Variants in CHD9 observed in about 807,000 individuals in gnomAD.
CHD9 encodes the protein chromodomain helicase DNA binding protein 9, also known as ATP-dependent chromatin remodeler CHD9.
A neutral mutation model predicts 316.1 loss-of-function variants in CHD9; 77 were observed. That is an observed-to-expected ratio of 0.24 (90% CI 0.20 to 0.29). The LOEUF (loss-of-function observed/expected upper bound fraction) is 0.29, where lower values mean the gene tolerates loss of function less well. Ranked by LOEUF, CHD9 falls within the 10% of genes least tolerant of loss-of-function variation. The pLI, the probability that CHD9 is intolerant of heterozygous loss-of-function variation, is 1.00. For synonymous variants in CHD9, 1,129 were observed against 1,158.3 expected (o/e 0.97, Z 0.51); for missense variants, 2,763 against 3,438.1 (o/e 0.80, Z 4.91).
At chr16:53,055,229 C>A (rs1354902415) in intron 1 of CHD9, among the ~76,000 whole-genome samples, 152 bp downstream of exon 1, 1 of 152,124 alleles carries the variant, frequency 6.6e-6, no homozygotes, top group Non-Finnish European at 1.5e-5. Context: ...ACCCAGAGAC[C>A]CGCAGCCTCG....
At chr16:53,141,808 G>C (rs1292654473) in intron 1 of CHD9, among the ~76,000 whole-genome samples, 2 of 152,160 alleles carry the variant, frequency 1.3e-5, no homozygotes, top group Non-Finnish European at 2.9e-5. Flanking sequence ...GTGTGTAAAG[G>C]CTTCCCAAAG....
chr16:53,293,440 C>A (rs188025174), intron 29 of CHD9, among the ~76,000 whole-genome samples: 1 of 151,674 alleles, frequency 6.6e-6, no homozygotes, highest in Non-Finnish European at 1.5e-5. Flanking sequence ...CAAAGCAAGA[C>A]CCTCATCTCT....
chr16:53,245,265 A>G lies in CHD9; in HGVS notation c.3055-71A>G. 8.3e-6 allele frequency: 10 copies of G among 1,197,852 alleles called. No individual in the cohort carries two copies. The highest frequency in any genetic ancestry group is 1.1e-5 in the Non-Finnish European group (10 of 888,964). The allele number at this position is 1,197,852 out of a possible 1,614,324, so 74.2% of individuals were successfully genotyped here. On this transcript the variant is annotated intron_variant, in intron 13 of 38. Coordinates refer to ENST00000447540, the MANE Select transcript of CHD9 (RefSeq NM_001308319.2). This position sits in a 1 kb window ranked among gnomAD's most constrained non-coding sequence, Gnocchi z 4.1. ...AAAATATTTGCATATTGATCATTCG[A>G]TAATCTAAGTCAGCTTTCATATAAT...
chr16:53,095,273 C>T (rs1177167471), intron 1 of CHD9, among the ~76,000 whole-genome samples: 2 of 152,274 alleles, frequency 1.3e-5, no homozygotes, highest in South Asian at 2.1e-4. Context: ...TGGCTAGGCG[C>T]AGTGGTTCAT....
chr16:53,122,864 G>A (rs1300939975), intron 1 of CHD9, among the ~76,000 whole-genome samples: 5 of 149,748 alleles, frequency 3.3e-5, no homozygotes, highest in South Asian at 2.2e-4. Context: ...CCGCTACCAC[G>A]CCCGGCTAAT....
intron 1 of CHD9, among the ~76,000 whole-genome samples, chr16:53,089,533 T>G (rs569274699): frequency 6.6e-6 from 1 of 152,334 alleles, no homozygotes; most frequent in South Asian, 2.1e-4. Context: ...CTTCCCATTT[T>G]TACAGATGAG....
At chr16:53,079,209 C>T (rs1377696505) in intron 1 of CHD9, among the ~76,000 whole-genome samples, 1 of 152,176 alleles carries the variant, frequency 6.6e-6, no homozygotes, top group Non-Finnish European at 1.5e-5. Context: ...GCAAAACTTC[C>T]ACCATTGGCT....
At chr16:53,202,637 A>G (rs1216548212) in intron 2 of CHD9, among the ~76,000 whole-genome samples, 4 of 152,196 alleles carry the variant, frequency 2.6e-5, no homozygotes, top group Non-Finnish European at 5.9e-5. Flanking sequence ...AGCTAGATGT[A>G]CATTTGTATT....
chr16:53,230,516 TCATCAC>T (rs1181536871), intron 8 of CHD9, among the ~76,000 whole-genome samples: 1 of 152,150 alleles, frequency 6.6e-6, no homozygotes, highest in Non-Finnish European at 1.5e-5. Flanking sequence ...GGAGGTCCTC[TCATCAC>T]CTTAAATATC....
chr16:53,267,632 T>C, intron 21 of CHD9, 142 bp downstream of exon 21: 1 of 656,152 alleles, frequency 1.5e-6, no homozygotes, highest in Non-Finnish European at 2.5e-6. Flanking sequence ...AGCATATATT[T>C]AAGAGCAGAA....
intron 1 of CHD9, among the ~76,000 whole-genome samples, chr16:53,096,353 A>G (rs1372552465): frequency 6.6e-6 from 1 of 152,176 alleles, no homozygotes; most frequent in Non-Finnish European, 1.5e-5. Context: ...TTATTAAACC[A>G]ACAATATGAT....
intron 3 of CHD9, among the ~76,000 whole-genome samples, chr16:53,212,361 C>T (rs2046399508): frequency 1.3e-5 from 2 of 151,186 alleles, no homozygotes; most frequent in African/African-American, 4.9e-5. Context: ...GCCGAGATTG[C>T]ACCACTGCAC....
chr16:53,253,207 G>C (rs1461264582), intron 17 of CHD9, among the ~76,000 whole-genome samples: 1 of 146,076 alleles, frequency 6.8e-6, no homozygotes, highest in Non-Finnish European at 1.5e-5. Context: ...GTGCGTGTGT[G>C]GTGTGTATAT....
Position 53,304,359 on chromosome 16 carries a change from C to T in CHD9, c.6353C>T (p.Ser2118Phe), listed in dbSNP as rs755808896. 6.2e-7 allele frequency: 1 copy of T among 1,613,400 alleles called. No individual in the cohort carries two copies. Among genetic ancestry groups the T allele is most frequent in the South Asian group, 1.1e-5 (1 of 91,016 alleles). The change falls in exon 31 of 39, where the codon TCT (serine) becomes TTT (phenylalanine). Residue 2118 changes from serine to phenylalanine, a missense_variant. Ser to Phe is a radical substitution (Grantham distance 155, BLOSUM62 -2). Coordinates refer to ENST00000447540, the MANE Select transcript of CHD9 (RefSeq NM_001308319.2). The stretch of plus-strand genomic sequence containing the variant: ...GAACCCCTAACTCCAAACCCAGCTT[C>T]TAAGAAACCAAGAGTCCACAAAAGG... Reference protein sequence around the residue: ...RTEPLTPNPASKKPRVHKRGS... With the variant: ...RTEPLTPNPAFKKPRVHKRGS...
chr16:53,265,977 T>G (rs530465465), intron 20 of CHD9, among the ~76,000 whole-genome samples: 21 of 143,260 alleles, frequency 1.5e-4, no homozygotes, highest in African/African-American at 4.3e-4. Flanking sequence ...TAGTTTTTTG[T>G]TTTTTTTTTT....
intron 1 of CHD9, among the ~76,000 whole-genome samples, chr16:53,099,809 C>T (rs2036689904): frequency 6.6e-6 from 1 of 152,238 alleles, no homozygotes; most frequent in Admixed American, 6.5e-5. Context: ...GAGAGCCCGC[C>T]AGGCCAGCTG....
intron 11 of CHD9, among the ~76,000 whole-genome samples, chr16:53,237,098 A>T (rs1239249997): frequency 6.6e-6 from 1 of 152,008 alleles, no homozygotes; most frequent in Non-Finnish European, 1.5e-5. Flanking sequence ...AATTAATATT[A>T]TTTCCTGTTT....
chr16:53,146,419 G>GTATGTATGTATATATATATATATATA (rs59577921), intron 1 of CHD9, among the ~76,000 whole-genome samples: 2 of 76,714 alleles, frequency 2.6e-5, no homozygotes, highest in African/African-American at 1.2e-4. Flanking sequence ...GTGTGTGTAT[G>GTATGTATGTATATATATATATATATA]TATATATATA....
At chr16:53,153,109 G>A (rs2041247775) in intron 1 of CHD9, among the ~76,000 whole-genome samples, 1 of 152,196 alleles carries the variant, frequency 6.6e-6, no homozygotes, top group Admixed American at 6.5e-5. Flanking sequence ...ATTTCGTTAT[G>A]TGAAGGTCCG....
Sources: allele counts gnomAD v4.1 joint callset (sites outside exome capture counted in the v4.1 genomes callset), GRCh38; gene constraint gnomAD v4.1.1; non-coding constraint Gnocchi (gnomAD v3.1); transcripts MANE v1.5; gene names NCBI Gene and HGNC (gene_info 2026-07-23, HGNC 2026-07-21).